Variants in CNTNAP5 observed in about 807,000 individuals in gnomAD.
CNTNAP5 encodes the protein contactin-associated protein-like 5.
Under a neutral mutation model 150.2 loss-of-function variants are expected in CNTNAP5, and 72 were observed. The observed-to-expected ratio is 0.48, with a 90% CI of 0.40 to 0.58. The LOEUF (loss-of-function observed/expected upper bound fraction) is 0.58. CNTNAP5 is among the 20% of genes least tolerant of loss of function. The probability of loss-of-function intolerance (pLI) is 0.00; values close to 1 mark genes in which losing one functional copy is unlikely to be tolerated. For missense variants in CNTNAP5, 1,636 were observed against 1,626.2 expected, an observed-to-expected ratio of 1.01 and a Z score of -0.10; for synonymous variants, 672 against 619.8, an observed-to-expected ratio of 1.08 and a Z score of -1.25.
chr2:124,794,291 T>G (rs1344650485), intron 18 of CNTNAP5, among the ~76,000 whole-genome samples: 2 of 152,210 alleles, frequency 1.3e-5, no homozygotes, highest in African/African-American at 4.8e-5. Flanking sequence ...GTTGTGTACC[T>G]CAACCTCAAG....
intron 6 of CNTNAP5, among the ~76,000 whole-genome samples, chr2:124,448,729 G>A (rs1482478656): frequency 1.3e-5 from 2 of 152,172 alleles, no homozygotes; most frequent in East Asian, 3.9e-4. Context: ...TTTTCAAAAA[G>A]AATATATGAC....
chr2:124,079,080 TGA>T (rs1316353072), intron 1 of CNTNAP5, among the ~76,000 whole-genome samples: 1 of 152,054 alleles, frequency 6.6e-6, no homozygotes, highest in African/African-American at 2.4e-5. Context: ...ACTGTCAGGG[TGA>T]GTCTGGGCTT....
intron 1 of CNTNAP5, among the ~76,000 whole-genome samples, chr2:124,130,465 G>A (rs1381682700): frequency 6.6e-6 from 1 of 151,900 alleles, no homozygotes; most frequent in Non-Finnish European, 1.5e-5. Flanking sequence ...GTGCCCTTTA[G>A]CCTATTCATG....
intron 2 of CNTNAP5, among the ~76,000 whole-genome samples, chr2:124,225,678 G>C (rs983568481): frequency 6.6e-6 from 1 of 152,104 alleles, no homozygotes; most frequent in African/African-American, 2.4e-5. Flanking sequence ...GCATACAATA[G>C]AGTATTATTA....
chr2:124,748,532 A>G (rs1680656068), intron 14 of CNTNAP5, among the ~76,000 whole-genome samples: 1 of 152,288 alleles, frequency 6.6e-6, no homozygotes, highest in African/African-American at 2.4e-5. Flanking sequence ...TGGCTTAGCA[A>G]TTTTGCTTAC....
intron 3 of CNTNAP5, among the ~76,000 whole-genome samples, chr2:124,302,949 A>C (rs2104647935): frequency 6.6e-6 from 1 of 152,252 alleles, no homozygotes; most frequent in East Asian, 1.9e-4. Flanking sequence ...CCTAGGAATT[A>C]AATCCTTTGT....
chr2:124,236,453 C>T (rs149069847), intron 2 of CNTNAP5, among the ~76,000 whole-genome samples: 5 of 152,298 alleles, frequency 3.3e-5, no homozygotes, highest in Non-Finnish European at 7.3e-5. Flanking sequence ...TCCTATTACA[C>T]ATGGGTGATC....
chr2:124,920,511 G>T lies in CNTNAP5; in HGVS notation c.*6223G>T, dbSNP rs576425973. On this transcript the variant is annotated 3_prime_UTR_variant, in exon 24 of 24. Coordinates refer to ENST00000682447, the MANE Select transcript of CNTNAP5 (RefSeq NM_001367498.1). ...ACTGTTGCAAAAAATACCAAACTTTGCTTAAAGCAGCATAGTTACATTGAG... is the reference window on the plus strand; with the variant it reads ...ACTGTTGCAAAAAATACCAAACTTTTCTTAAAGCAGCATAGTTACATTGAG... 6.6e-6 allele frequency among the ~76,000 whole-genome samples: 1 copy of T among 152,198 alleles called. No individual in the cohort carries two copies. Among genetic ancestry groups the T allele is most frequent in the East Asian group, 1.9e-4 (1 of 5,162 alleles).
At chr2:124,161,318 A>G (rs1684672921) in intron 1 of CNTNAP5, among the ~76,000 whole-genome samples, 1 of 152,242 alleles carries the variant, frequency 6.6e-6, no homozygotes, top group South Asian at 2.1e-4. Context: ...AGTGCACTCT[A>G]CTGGATATAA....
chr2:124,089,273 A>ATT (rs5834036), intron 1 of CNTNAP5, among the ~76,000 whole-genome samples: 191 of 147,436 alleles, frequency 1.3e-3, no homozygotes, highest in African/African-American at 3.4e-3. Flanking sequence ...GACCCCACCT[A>ATT]TTTTTTTTTT....
At position 124,112,796 on chromosome 2, in the gene CNTNAP5, C is replaced by T. The variant is rs183552000; in HGVS notation, c.82+87064C>T. Among the ~76,000 whole-genome samples, 92 of 152,130 alleles carry T rather than the reference C, an allele frequency of 6.0e-4. 1 individual carries two copies. The highest frequency in any genetic ancestry group is 2.2e-4 in the Non-Finnish European group (15 of 67,984). The stretch of plus-strand genomic sequence containing the variant: ...CTGCAGCAAGCATCCTTAAACACTC[C>T]GTATTTTTCAACTCTATAAACAGAA... On this transcript the variant is annotated intron_variant, in intron 1 of 23. Transcript: ENST00000682447.
At chr2:124,890,435 C>T (rs1416945500) in intron 21 of CNTNAP5, among the ~76,000 whole-genome samples, 1 of 152,082 alleles carries the variant, frequency 6.6e-6, no homozygotes, top group Non-Finnish European at 1.5e-5. Flanking sequence ...TTTAAGCTCT[C>T]GTTGTCCAGT....
intron 21 of CNTNAP5, among the ~76,000 whole-genome samples, chr2:124,889,118 T>A (rs1441552201): frequency 1.6e-5 from 2 of 121,324 alleles, no homozygotes; most frequent in Non-Finnish European, 1.7e-5. Flanking sequence ...AGAGAAAGAA[T>A]CTCGCTTTGT....
At chr2:124,196,615 C>CT (rs935264587) in intron 1 of CNTNAP5, among the ~76,000 whole-genome samples, 3 of 152,148 alleles carry the variant, frequency 2.0e-5, no homozygotes, top group Non-Finnish European at 4.4e-5. Flanking sequence ...CATGTGTTGT[C>CT]TTGAACCCCA....
At chr2:124,168,642 C>T (rs1019920169) in intron 1 of CNTNAP5, among the ~76,000 whole-genome samples, 1 of 152,044 alleles carries the variant, frequency 6.6e-6, no homozygotes, top group African/African-American at 2.4e-5. Flanking sequence ...GAAAGAAGAA[C>T]AAAACAGGAA....
intron 1 of CNTNAP5, among the ~76,000 whole-genome samples, chr2:124,178,417 T>C (rs151189146): frequency 2.0e-5 from 3 of 152,318 alleles, no homozygotes; most frequent in African/African-American, 7.2e-5. Context: ...AATATTATCA[T>C]TCAGTTTCTA....
chr2:124,556,304 A>T (rs969921349), intron 10 of CNTNAP5, among the ~76,000 whole-genome samples: 1 of 152,164 alleles, frequency 6.6e-6, no homozygotes, highest in Non-Finnish European at 1.5e-5. Context: ...AATACCATTA[A>T]AGCAACATCC....
At chr2:124,685,128 T>G (rs1679161900) in intron 13 of CNTNAP5, among the ~76,000 whole-genome samples, 1 of 152,176 alleles carries the variant, frequency 6.6e-6, no homozygotes, top group Non-Finnish European at 1.5e-5. Flanking sequence ...AGGTTGTTGA[T>G]CTTCAAAATG....
At chr2:124,219,738 G>GT (rs977097761) in intron 1 of CNTNAP5, among the ~76,000 whole-genome samples, 3 of 152,120 alleles carry the variant, frequency 2.0e-5, no homozygotes, top group Non-Finnish European at 4.4e-5. Context: ...ATTATTATAT[G>GT]TTTTTTTCTA....
Sources: gnomAD v4.1 joint callset for allele counts (sites outside exome capture counted in the v4.1 genomes callset) on GRCh38, gnomAD v4.1.1 for gene constraint, MANE v1.5 for transcripts, NCBI Gene and HGNC (gene_info 2026-07-23, HGNC 2026-07-21) for gene names.